Variants in CNBD1 observed in about 807,000 individuals in gnomAD.
CNBD1 encodes the protein cyclic nucleotide-binding domain-containing protein 1.
A neutral mutation model predicts 54.4 loss-of-function variants in CNBD1; 71 were observed. The ratio of observed to expected loss-of-function variants is 1.30; its 90% CI spans 1.08 to 1.59. The LOEUF is 1.59. CNBD1 is among the 40% of genes most tolerant of loss of function. CNBD1 has a pLI of 0.00. For synonymous variants in CNBD1, 182 were observed against 170.7 expected, an observed-to-expected ratio of 1.07 and a Z score of -0.51; for missense variants, 659 against 518.0, an observed-to-expected ratio of 1.27 and a Z score of -2.64.
chr8:87,418,203 A>T (rs778034788), intron 2 of CNBD1, among the ~76,000 whole-genome samples: 2 of 151,980 alleles, frequency 1.3e-5, no homozygotes, highest in Non-Finnish European at 2.9e-5. Flanking sequence ...ATATGGGCTA[A>T]TAGAATAATA....
intron 4 of CNBD1, among the ~76,000 whole-genome samples, chr8:87,151,545 T>C (rs535842679): frequency 7.9e-5 from 12 of 152,284 alleles, no homozygotes; most frequent in Admixed American, 7.8e-4. Flanking sequence ...AATGTTATAG[T>C]CCAATGTATG....
chr8:87,329,271 A>G (rs1260276017), intron 8 of CNBD1, among the ~76,000 whole-genome samples: 1 of 152,014 alleles, frequency 6.6e-6, no homozygotes, highest in Non-Finnish European at 1.5e-5. Context: ...ATTTATCTAT[A>G]TCTTTTTGTT....
rs141410920 is a variant in CNBD1, at chr8:87,191,407, TC to T, written c.432-14584del. 2.8e-3 allele frequency among the ~76,000 whole-genome samples: 432 copies of T among 152,216 alleles called. 1 individual carries two copies. The highest frequency in any genetic ancestry group is 9.2e-3 in the African/African-American group (384 of 41,532). On this transcript the variant is annotated intron_variant, in intron 4 of 10. Coordinates refer to ENST00000518476, the MANE Select transcript of CNBD1 (RefSeq NM_173538.3). ...GCCCACCCAAATTGAGGGTGGGTCT[TC>T]CTCTCCCATTCCACCAACTCAAATG...
At chr8:87,302,436 C>T (rs1267011381) in intron 8 of CNBD1, among the ~76,000 whole-genome samples, 1 of 141,418 alleles carries the variant, frequency 7.1e-6, no homozygotes. Context: ...CAAAATTCAA[C>T]AACCCTTCAT....
chr8:87,057,204 G>A (rs1316519301), intron 4 of CNBD1, among the ~76,000 whole-genome samples: 1 of 152,160 alleles, frequency 6.6e-6, no homozygotes, highest in African/African-American at 2.4e-5. Flanking sequence ...AAGGAAAGAG[G>A]TTTAATTGAC....
At chr8:87,373,284 C>T (rs1421989073) in intron 10 of CNBD1, among the ~76,000 whole-genome samples, 5 of 151,810 alleles carry the variant, frequency 3.3e-5, no homozygotes, top group Middle Eastern at 3.4e-3. Context: ...TCTAATATAG[C>T]GGTATTAGTT....
At chr8:87,063,005 G>A (rs1810576861) in intron 4 of CNBD1, among the ~76,000 whole-genome samples, 1 of 152,142 alleles carries the variant, frequency 6.6e-6, no homozygotes, top group South Asian at 2.1e-4. Flanking sequence ...AAGAACTATA[G>A]TGCAGATCAG....
At chr8:86,987,409 G>A (rs908114800) in intron 4 of CNBD1, among the ~76,000 whole-genome samples, 7 of 152,130 alleles carry the variant, frequency 4.6e-5, no homozygotes, top group African/African-American at 1.7e-4. Context: ...CCTTTTGGCA[G>A]TCTTTAGCAT....
At chr8:86,930,986 A>G (rs1330512343) in intron 3 of CNBD1, among the ~76,000 whole-genome samples, 1 of 152,104 alleles carries the variant, frequency 6.6e-6, no homozygotes, top group Non-Finnish European at 1.5e-5. Context: ...TCCCTCCTCA[A>G]GTAGGGGACA....
At chr8:86,907,524 C>T (rs751059016) in intron 3 of CNBD1, among the ~76,000 whole-genome samples, 3 of 151,816 alleles carry the variant, frequency 2.0e-5, no homozygotes, top group Non-Finnish European at 2.9e-5. Context: ...AAAAATTAGC[C>T]GGGCATGGTG....
At chr8:87,071,632 A>G (rs1383577713) in intron 4 of CNBD1, among the ~76,000 whole-genome samples, 1 of 152,024 alleles carries the variant, frequency 6.6e-6, no homozygotes, top group African/African-American at 2.4e-5. Flanking sequence ...AGTGGAATGA[A>G]TATATTAATC....
intron 3 of CNBD1, among the ~76,000 whole-genome samples, chr8:86,905,474 G>A (rs2131808814): frequency 6.6e-6 from 1 of 152,230 alleles, no homozygotes. Flanking sequence ...TTATGAAAGG[G>A]ATTAAAATAT....
At chr8:87,379,904 C>G (rs367631813) in intron 10 of CNBD1, among the ~76,000 whole-genome samples, 1 of 151,266 alleles carries the variant, frequency 6.6e-6, no homozygotes, top group Non-Finnish European at 1.5e-5. Flanking sequence ...GGAAAATACA[C>G]GAGAAATACT....
chr8:87,355,151 A>G (rs1168888001), intron 10 of CNBD1, among the ~76,000 whole-genome samples: 1 of 152,250 alleles, frequency 6.6e-6, no homozygotes, highest in East Asian at 1.9e-4. Flanking sequence ...TATATTATGT[A>G]CAAAGACAAC....
chr8:87,062,813 TTTGG>T (rs1451487696), intron 4 of CNBD1, among the ~76,000 whole-genome samples: 5 of 152,236 alleles, frequency 3.3e-5, no homozygotes, highest in Admixed American at 3.3e-4. Context: ...GCCATGGGGC[TTTGG>T]TTAAAAGTAT....
chr8:87,167,723 T>C (rs1563493464), intron 4 of CNBD1, among the ~76,000 whole-genome samples: 1 of 151,952 alleles, frequency 6.6e-6, no homozygotes, highest in Non-Finnish European at 1.5e-5. Flanking sequence ...TAATTTTTAT[T>C]AAGAGGTTTT....
intron 10 of CNBD1, among the ~76,000 whole-genome samples, chr8:87,372,872 G>A (rs1810844708): frequency 6.6e-6 from 1 of 151,572 alleles, no homozygotes; most frequent in Admixed American, 6.6e-5. Flanking sequence ...CACTTTTTGT[G>A]GGCTCCCAGG....
chr8:87,384,045 A>G (rs1811139545), downstream of CNBD1, among the ~76,000 whole-genome samples: 1 of 151,986 alleles, frequency 6.6e-6, no homozygotes, highest in South Asian at 2.1e-4. Flanking sequence ...CATTCAATTA[A>G]GAATGAGTTA....
chr8:87,287,541 T>A (rs1474618611), intron 8 of CNBD1, among the ~76,000 whole-genome samples: 1 of 152,164 alleles, frequency 6.6e-6, no homozygotes, highest in Non-Finnish European at 1.5e-5. Context: ...ATTTTTAATT[T>A]AAGTTTGAGA....
Sources: gnomAD v4.1 joint callset for allele counts (sites outside exome capture counted in the v4.1 genomes callset) on GRCh38, gnomAD v4.1.1 for gene constraint, MANE v1.5 for transcripts, NCBI Gene and HGNC (gene_info 2026-07-23, HGNC 2026-07-21) for gene names.